The following DNM3 variants were observed in gnomAD, a reference collection of about 807,000 sequenced individuals.
DNM3 encodes dynamin-3.
A neutral mutation model predicts 101.6 loss-of-function variants in DNM3; 47 were observed. The observed-to-expected ratio is 0.46, with a 90% CI of 0.37 to 0.59. The LOEUF (loss-of-function observed/expected upper bound fraction) is 0.59. DNM3 is among the 20% of genes least tolerant of loss of function. The pLI is 0.00. For synonymous variants in DNM3, 385 were observed against 387.9 expected, an observed-to-expected ratio of 0.99 and a Z score of 0.09; for missense variants, 849 against 1,085.7, an observed-to-expected ratio of 0.78 and a Z score of 3.06.
At chr1:172,010,590 T>C (rs538259059) in intron 4 of DNM3, among the ~76,000 whole-genome samples, 1 of 151,020 alleles carries the variant, frequency 6.6e-6, no homozygotes, top group Admixed American at 6.6e-5. Flanking sequence ...GTCTCTCTTT[T>C]TTCCCTCTCT....
intron 10 of DNM3, among the ~76,000 whole-genome samples, chr1:172,058,336 C>G (rs1324289811): frequency 1.3e-5 from 2 of 151,264 alleles, no homozygotes; most frequent in African/African-American, 4.9e-5. Context: ...AGCTCTGCAC[C>G]AAGTGGACCT....
chr1:171,993,015 T>A (rs764584353), intron 4 of DNM3, among the ~76,000 whole-genome samples: 3 of 152,086 alleles, frequency 2.0e-5, no homozygotes, highest in African/African-American at 4.8e-5. Context: ...CCCCTTCCTA[T>A]GTGCTATTAT....
intron 12 of DNM3, among the ~76,000 whole-genome samples, chr1:172,089,274 C>T (rs528269028): frequency 6.6e-6 from 1 of 152,054 alleles, no homozygotes; most frequent in Admixed American, 6.5e-5. Context: ...AGAACTATAC[C>T]TTATTCATAT....
chr1:172,169,315 TA>T (rs1313370553), intron 14 of DNM3, among the ~76,000 whole-genome samples: 2 of 151,974 alleles, frequency 1.3e-5, no homozygotes, highest in African/African-American at 4.8e-5. Flanking sequence ...CTTGGGCTCC[TA>T]ATTACCCCAA....
intron 2 of DNM3, 142 bp downstream of exon 2, chr1:171,921,963 G>T: frequency 1.6e-6 from 1 of 640,192 alleles, no homozygotes; most frequent in Non-Finnish European, 2.8e-6. Flanking sequence ...CCAGAATGCT[G>T]CCTTCTTCAT....
At chr1:172,391,042 C>T (rs745508186) in intron 20 of DNM3, among the ~76,000 whole-genome samples, 2 of 152,142 alleles carry the variant, frequency 1.3e-5, no homozygotes, top group Non-Finnish European at 2.9e-5. Flanking sequence ...CCAGCTCGCA[C>T]GAACAAGGCA....
rs2044242564 is a variant in DNM3, at chr1:171,974,591, A to C, written c.236-13065A>C. 2.6e-5 allele frequency among the ~76,000 whole-genome samples: 4 copies of C among 152,206 alleles called. No homozygotes were observed. In the South Asian group the frequency reaches 6.2e-4, roughly 24 times the overall value. ...ATACAAAGTTTTGGATCCGAACTTT[A>C]GTTTGTTTTCTTTATAGGTGCATTT... On this transcript the variant is annotated intron_variant, in intron 2 of 20. Coordinates refer to ENST00000627582, the MANE Select transcript of DNM3 (RefSeq NM_015569.5).
intron 10 of DNM3, among the ~76,000 whole-genome samples, chr1:172,053,443 AC>A (rs2125879545): frequency 6.6e-6 from 1 of 152,026 alleles, no homozygotes; most frequent in South Asian, 2.1e-4. Context: ...TTCTGTTGAT[AC>A]CCTATGTGTA....
intron 14 of DNM3, among the ~76,000 whole-genome samples, chr1:172,132,526 T>C (rs10489299): frequency 0.12 from 17,664 of 152,164 alleles, 2,684 homozygotes; most frequent in African/African-American, 0.34. Context: ...TTTAACATAG[T>C]TTGAGGAGCT....
chr1:172,134,741 T>A (rs982276944), intron 14 of DNM3, among the ~76,000 whole-genome samples: 4 of 152,052 alleles, frequency 2.6e-5, no homozygotes, highest in Admixed American at 2.6e-4. Flanking sequence ...ATAAAGCCAG[T>A]GATGAGTTGA....
chr1:172,166,606 C>A (rs1022026816), intron 14 of DNM3, among the ~76,000 whole-genome samples: 1 of 152,032 alleles, frequency 6.6e-6, no homozygotes, highest in Admixed American at 6.6e-5. Context: ...TTTTTGAATT[C>A]TAAGTATCTA....
At chr1:172,309,998 T>C (rs1002075091) in intron 16 of DNM3, 1 of 152,224 alleles carries the variant, frequency 6.6e-6, no homozygotes, top group Non-Finnish European at 1.5e-5. Flanking sequence ...ATATGCTTTG[T>C]GCCCTCCAAA....
intron 13 of DNM3, among the ~76,000 whole-genome samples, chr1:172,097,454 G>T (rs955407260): frequency 1.3e-5 from 2 of 152,034 alleles, no homozygotes; most frequent in African/African-American, 4.8e-5. Context: ...ATATGTTTGT[G>T]CTTATTGGAG....
intron 1 of DNM3, among the ~76,000 whole-genome samples, chr1:171,900,890 C>T (rs1011818005): frequency 1.3e-5 from 2 of 151,600 alleles, no homozygotes; most frequent in African/African-American, 4.8e-5. Flanking sequence ...GGGCGGATCA[C>T]GAGGTCAGGA....
chr1:172,282,563 G>A (rs1359680350), intron 15 of DNM3, among the ~76,000 whole-genome samples: 1 of 151,988 alleles, frequency 6.6e-6, no homozygotes, highest in Admixed American at 6.6e-5. Flanking sequence ...AAGCCCTCAA[G>A]ACTTAAAAAA....
At chr1:172,397,964 C>T (rs1057263289) in intron 20 of DNM3, among the ~76,000 whole-genome samples, 1 of 152,152 alleles carries the variant, frequency 6.6e-6, no homozygotes, top group Non-Finnish European at 1.5e-5. Flanking sequence ...TACAAGTTAT[C>T]TTTGCAGTTC....
At chr1:172,280,557 A>G (rs2063453062) in intron 15 of DNM3, among the ~76,000 whole-genome samples, 2 of 152,142 alleles carry the variant, frequency 1.3e-5, no homozygotes, top group African/African-American at 2.4e-5. Context: ...TTAAGCTTCA[A>G]CCGATTTATT....
intron 17 of DNM3, among the ~76,000 whole-genome samples, chr1:172,357,223 G>A (rs1165373608): frequency 6.6e-6 from 1 of 152,012 alleles, no homozygotes; most frequent in Non-Finnish European, 1.5e-5. Flanking sequence ...AAATGAGTAG[G>A]TAAAAGTATG....
At chr1:172,092,099 G>T (rs1027894126) in intron 12 of DNM3, among the ~76,000 whole-genome samples, 2 of 151,952 alleles carry the variant, frequency 1.3e-5, no homozygotes, top group Non-Finnish European at 2.9e-5. Context: ...ATTTTAGGGG[G>T]GATTTCAGGA....
Sources: allele counts gnomAD v4.1 joint callset (sites outside exome capture counted in the v4.1 genomes callset), GRCh38; gene constraint gnomAD v4.1.1; transcripts MANE v1.5; gene names NCBI Gene and HGNC (gene_info 2026-07-23, HGNC 2026-07-21).